Variants in PSEN2 observed in about 807,000 individuals in gnomAD.
The protein encoded by PSEN2 is presenilin-2.
A neutral mutation model predicts 49.1 loss-of-function variants in PSEN2; 32 were observed. The ratio of observed to expected loss-of-function variants is 0.65; its 90% CI spans 0.49 to 0.88. PSEN2 has a LOEUF of 0.88. PSEN2 is among the 40% of genes least tolerant of loss of function. The pLI is 0.00. For missense variants in PSEN2, 522 were observed against 586.9 expected, an observed-to-expected ratio of 0.89 and a Z score of 1.14; for synonymous variants, 255 against 244.0, an observed-to-expected ratio of 1.05 and a Z score of -0.42.
chr1:226,871,103 C>T (rs1490285422), intron 1 of PSEN2, 159 bp from the exon 2 acceptor site: 1 of 152,256 alleles, frequency 6.6e-6, no homozygotes, highest in East Asian at 1.9e-4. Flanking sequence ...CCGGAGACCT[C>T]CGTTGCGCCG....
At chr1:226,893,638 C>T (rs879449822) in intron 11 of PSEN2, among the ~76,000 whole-genome samples, 3 of 152,168 alleles carry the variant, frequency 2.0e-5, no homozygotes, top group Non-Finnish European at 4.4e-5. Context: ...ATTAAATTCC[C>T]TAAAAATCTG....
At chr1:226,885,021 G>T (rs1661261130) in intron 5 of PSEN2, among the ~76,000 whole-genome samples, 1 of 152,202 alleles carries the variant, frequency 6.6e-6, no homozygotes, top group Non-Finnish European at 1.5e-5. Context: ...AATGCAGCCA[G>T]CGGTTTGTTT....
At chr1:226,886,092 C>T (rs373559987) in intron 6 of PSEN2, among the ~76,000 whole-genome samples, 1 of 152,122 alleles carries the variant, frequency 6.6e-6, no homozygotes, top group East Asian at 1.9e-4. Flanking sequence ...TGGTCTCAAA[C>T]TCCTGGACTC....
intron 10 of PSEN2, 24 bp from the exon 11 acceptor site, chr1:226,891,719 C>T (rs750726916): frequency 1.3e-6 from 2 of 1,577,334 alleles, no homozygotes; most frequent in Non-Finnish European, 1.7e-6. Flanking sequence ...TGATGACGGA[C>T]ATCTTCTCTT....
chr1:226,894,773 G>T (rs1220413459), intron 12 of PSEN2, among the ~76,000 whole-genome samples: 5 of 152,240 alleles, frequency 3.3e-5, no homozygotes, highest in Non-Finnish European at 7.3e-5. Context: ...CCCTGGGCAT[G>T]GCATGATTAA....
In PSEN2 at chr1:226,888,129, G is replaced by A. The variant is rs201896763; in HGVS notation, c.537G>A (p.Leu179=). Residue 179 remains leucine (L), a synonymous_variant, in exon 7 of 13, where the codon CTG becomes CTA. Transcript: ENST00000366783. The stretch of plus-strand genomic sequence containing the variant: ...GGTTGATCATGTCTTCACTGATGCT[G>A]CTGTTCCTCTTCACCTATATCTACC... ...HGWLIMSSLM[L]LFLFTYIYLG... 40 of 1,613,758 alleles carry A rather than the reference G, an allele frequency of 2.5e-5. 1 individual carries two copies. Among genetic ancestry groups the A allele is most frequent in the Admixed American group, 3.3e-5 (2 of 60,010 alleles).
chr1:226,878,690 C>T (rs1660788673), intron 3 of PSEN2, among the ~76,000 whole-genome samples: 1 of 152,122 alleles, frequency 6.6e-6, no homozygotes, highest in Admixed American at 6.6e-5. Context: ...AGATAAATCA[C>T]AGGAGCTTAA....
chr1:226,872,139 G>A (rs1015568423), intron 2 of PSEN2, among the ~76,000 whole-genome samples: 20 of 152,206 alleles, frequency 1.3e-4, no homozygotes, highest in South Asian at 2.1e-4. Flanking sequence ...AGGGCTAGGG[G>A]CTGCTGCTGG....
chr1:226,879,498 C>T (rs1387683212), intron 3 of PSEN2, among the ~76,000 whole-genome samples: 1 of 152,206 alleles, frequency 6.6e-6, no homozygotes, highest in East Asian at 1.9e-4. Flanking sequence ...CCATCAGGCA[C>T]CAAACTCCTC....
chr1:226,887,638 C>T (rs1190316321), intron 6 of PSEN2, among the ~76,000 whole-genome samples: 3 of 152,164 alleles, frequency 2.0e-5, no homozygotes, highest in African/African-American at 7.2e-5. Flanking sequence ...TCACTGTATC[C>T]TAACATTATT....
intron 11 of PSEN2, among the ~76,000 whole-genome samples, chr1:226,892,505 T>C (rs1175453535): frequency 6.6e-6 from 1 of 152,178 alleles, no homozygotes; most frequent in Admixed American, 6.5e-5. Flanking sequence ...GGCAGCACCC[T>C]GGAGCAGGGA....
intron 3 of PSEN2, among the ~76,000 whole-genome samples, chr1:226,881,459 C>T (rs1324078798): frequency 2.6e-5 from 4 of 152,188 alleles, no homozygotes; most frequent in Non-Finnish European, 4.4e-5. Context: ...ATCAAACACC[C>T]GGATTGTATC....
In PSEN2 at chr1:226,881,922, G is replaced by C; in HGVS notation, c.15G>C (p.Met5Ile). Reference sequence around the variant, plus strand: ...GAGGCAGGGCTATGCTCACATTCATGGCCTCTGACAGCGAGGAAGAAGTGT... The same window carrying C: ...GAGGCAGGGCTATGCTCACATTCATCGCCTCTGACAGCGAGGAAGAAGTGT... The part of the protein sequence containing the change: MLTF[M>I]ASDSEEEVCD... The change falls in exon 4 of 13, where the codon ATG becomes ATC. Residue 5 changes from methionine (M) to isoleucine (I), a missense_variant. Physicochemically the swap from Met to Ile is conservative, Grantham distance 10 (BLOSUM62 1). Transcript: ENST00000366783. 6.2e-7 allele frequency: 1 copy of C among 1,614,238 alleles called. No individual in the cohort carries two copies. Among genetic ancestry groups the C allele is most frequent in the South Asian group, 1.1e-5 (1 of 91,088 alleles).
chr1:226,888,009 G>C, intron 6 of PSEN2, 82 bp from the exon 7 acceptor site: 1 of 1,140,774 alleles, frequency 8.8e-7, no homozygotes. Context: ...TTCAGGCTTG[G>C]GTATCAGTCT....
intron 4 of PSEN2, among the ~76,000 whole-genome samples, chr1:226,882,930 G>A (rs546014559): frequency 2.0e-5 from 3 of 152,194 alleles, no homozygotes; most frequent in African/African-American, 7.2e-5. Flanking sequence ...GCAGAGAACC[G>A]GTACTGAAGC....
chr1:226,889,811 C>T (rs1661617352), intron 8 of PSEN2, among the ~76,000 whole-genome samples: 1 of 152,252 alleles, frequency 6.6e-6, no homozygotes, highest in Admixed American at 6.5e-5. Context: ...GCCACCGCGT[C>T]TCGGGTGCAC....
rs1660573967 is a variant in PSEN2, at chr1:226,875,488, C to T, written c.-83C>T. On this transcript the variant is annotated 5_prime_UTR_variant, in exon 3 of 13. Transcript: ENST00000366783. ...AGCCAGGGAGCATCATTCATTTAGC[C>T]TGCTGAGAAGAAGAAACCAAGTGTC... The T allele has an allele frequency of 6.6e-6, 1 of 152,216 alleles. No individual in the cohort carries two copies. The highest frequency in any genetic ancestry group is 6.5e-5 in the Admixed American group (1 of 15,280). 9.4% of individuals were successfully genotyped at this position (152,216 alleles called of 1,614,324 possible).
rs182051324 is a variant in PSEN2 at position 226,901,863 on chromosome 1, T to G, written c.1192-6659T>G. ...GCTACTTTGCAAATGACCCATGCAT[T>G]TTAATTTTCCCCTAAGGAAGGCCAA... On this transcript the variant is annotated intron_variant, in intron 12 of 14. Coordinates refer to the PSEN2 transcript ENST00000676945. 1.9e-3 allele frequency among the ~76,000 whole-genome samples: 291 copies of G among 152,298 alleles called. 1 individual carries two copies. The highest frequency in any genetic ancestry group is 2.7e-3 in the Non-Finnish European group (185 of 68,024).
chr1:226,882,173 C>T (rs12071324), intron 4 of PSEN2, 125 bp downstream of exon 4: 86 of 1,364,042 alleles, frequency 6.3e-5, no homozygotes, highest in South Asian at 3.0e-4. Context: ...GAGGATTGGC[C>T]GAAAAGGTGG....
Sources: allele counts gnomAD v4.1 joint callset (sites outside exome capture counted in the v4.1 genomes callset), GRCh38; gene constraint gnomAD v4.1.1; transcripts MANE v1.5; gene names NCBI Gene and HGNC (gene_info 2026-07-23, HGNC 2026-07-21).